Variants in MSTO1 observed in about 807,000 individuals in gnomAD.
MSTO1 encodes the protein protein misato homolog 1.
In MSTO1, 24 loss-of-function variants were observed where a neutral mutation model predicts 55.7. The observed-to-expected ratio is 0.43, with a 90% CI of 0.31 to 0.61. The LOEUF (loss-of-function observed/expected upper bound fraction) is 0.61. Among genes scored for constraint, MSTO1 ranks in the 20% least tolerant of loss-of-function variants. The pLI is 0.09. For synonymous variants in MSTO1, 162 were observed against 252.8 expected (o/e 0.64, Z 3.41); for missense variants, 363 against 625.7 (o/e 0.58, Z 4.48).
At chr1:155,589,415 G>A in the MSTO1 span, among the ~76,000 whole-genome samples, 1 of 151,918 alleles carries the variant, frequency 6.6e-6, no homozygotes, top group African/African-American at 2.4e-5. Context: ...CAGGGTGACT[G>A]TATTAGTCAG....
intron 1 of MSTO1, 43 bp from the exon 2 acceptor site, chr1:155,610,382 C>T: frequency 1.2e-6 from 1 of 808,200 alleles, no homozygotes; most frequent in South Asian, 1.7e-5. Flanking sequence ...GATCTACAGT[C>T]CCGACGTTCA....
chr1:155,597,173 AGAT>A, the MSTO1 span, among the ~76,000 whole-genome samples: 1 of 152,144 alleles, frequency 6.6e-6, no homozygotes, highest in Non-Finnish European at 1.5e-5. Context: ...TCTTGGTCAC[AGAT>A]GAGAAGACAA....
the MSTO1 span, chr1:155,598,903 C>G: frequency 6.9e-7 from 1 of 1,449,402 alleles, no homozygotes; most frequent in Non-Finnish European, 9.7e-7. Flanking sequence ...GCTGATACTA[C>G]GTATTCCAGA....
chr1:155,602,396 A>C, the MSTO1 span, among the ~76,000 whole-genome samples: 1 of 152,188 alleles, frequency 6.6e-6, no homozygotes. Context: ...GAATCGCTTG[A>C]ACCCAGGAGG....
the MSTO1 span, among the ~76,000 whole-genome samples, chr1:155,592,135 G>T: frequency 2.6e-5 from 4 of 152,180 alleles, no homozygotes; most frequent in Non-Finnish European, 5.9e-5. Flanking sequence ...AACAAGCCTT[G>T]TATTCTCAGT....
At chr1:155,564,215 C>G in the MSTO1 span, among the ~76,000 whole-genome samples, 2 of 152,222 alleles carry the variant, frequency 1.3e-5, no homozygotes, top group East Asian at 3.8e-4. Flanking sequence ...CATGCAAGGC[C>G]GGGCGCGGTG....
chr1:155,592,266 T>C, the MSTO1 span, among the ~76,000 whole-genome samples: 1 of 152,214 alleles, frequency 6.6e-6, no homozygotes, highest in Non-Finnish European at 1.5e-5. Flanking sequence ...GACAAAAGTT[T>C]ACCTTCTTGG....
Position 155,612,421 on chromosome 1 carries a change from G to A in MSTO1, c.817G>A (p.Ala273Thr), listed in dbSNP as rs1376378019. 6.2e-7 allele frequency: 1 copy of A among 1,610,932 alleles called. No individual in the cohort carries two copies. Among genetic ancestry groups the A allele is most frequent in the South Asian group, 1.1e-5 (1 of 90,866 alleles). ...CAAACTACTCTTTCTTCACCAGGAG[G>A]CCCAGAGAAACATCTATCGTCTATT... is the stretch of plus-strand genomic sequence containing the variant. ...LLPGPYHRGE[A>T]QRNIYRLLNT... The change falls in exon 9 of 14, where the codon GCC becomes ACC. Residue 273 changes from alanine (A) to threonine (T), a missense_variant. Ala to Thr is a moderately conservative substitution (Grantham distance 58). Transcript: ENST00000245564.
chr1:155,597,557 T>G, the MSTO1 span, among the ~76,000 whole-genome samples: 3 of 151,678 alleles, frequency 2.0e-5, no homozygotes, highest in African/African-American at 7.3e-5. Context: ...TTGCCCAGGC[T>G]GGAGTGCAGT....
the MSTO1 span, among the ~76,000 whole-genome samples, chr1:155,600,650 C>T: frequency 2.0e-5 from 3 of 152,054 alleles, no homozygotes; most frequent in South Asian, 6.2e-4. Flanking sequence ...CGGGTTCAAG[C>T]GATTCTCCTG....
upstream of MSTO1, chr1:155,610,017 G>T: frequency 3.6e-6 from 2 of 554,134 alleles, no homozygotes; most frequent in Non-Finnish European, 6.3e-6. Context: ...CAGGAGCAAC[G>T]GCGTGGCCCG....
chr1:155,612,911 G>A lies in MSTO1; in HGVS notation c.1034G>A (p.Arg345His), dbSNP rs150075701. Residue 345 changes from arginine to histidine, a missense_variant, in exon 10 of 14, where the codon CGC (arginine) becomes CAC (histidine). Arg to His is a conservative substitution (Grantham distance 29). Around this residue, in one of 3 missense-constraint regions of MSTO1, gnomAD observed 231 missense variants for 286.9 expected, o/e 0.81. Transcript: ENST00000245564. The stretch of plus-strand genomic sequence containing the variant: ...CTGGACACAGTCACTGTTCCTTATC[G>A]CCTGTGTTCCTCTCCAGTTTCCATG... Reference protein sequence around the residue: ...TALDTVTVPYRLCSSPVSMVH... With the variant: ...TALDTVTVPYHLCSSPVSMVH... 4 of 1,613,618 alleles carry A rather than the reference G, an allele frequency of 2.5e-6. No individual in the cohort carries two copies. The highest frequency in any genetic ancestry group is 1.3e-5 in the African/African-American group (1 of 74,888).
the MSTO1 span, chr1:155,563,355 T>C: frequency 4.4e-6 from 2 of 456,328 alleles, no homozygotes; most frequent in Non-Finnish European, 8.8e-6. Flanking sequence ...GACACGGGTA[T>C]TGTACCGCTG....
At chr1:155,609,624 G>A (rs1477736862), upstream of MSTO1, among the ~76,000 whole-genome samples, 1 of 152,032 alleles carries the variant, frequency 6.6e-6, no homozygotes, top group Non-Finnish European at 1.5e-5. Flanking sequence ...ATGAATTATA[G>A]ATATTTGCAA....
chr1:155,601,470 G>T, the MSTO1 span, among the ~76,000 whole-genome samples: 3 of 151,742 alleles, frequency 2.0e-5, no homozygotes, highest in Non-Finnish European at 4.4e-5. Context: ...ATAATGTTTA[G>T]TCTAAGATGG....
chr1:155,587,606 T>C, the MSTO1 span, among the ~76,000 whole-genome samples: 8 of 150,712 alleles, frequency 5.3e-5, no homozygotes, highest in African/African-American at 1.5e-4. Context: ...TAGCCGGGCG[T>C]GGTGGCGGGC....
the MSTO1 span, among the ~76,000 whole-genome samples, chr1:155,565,251 C>T: frequency 4.7e-5 from 7 of 149,532 alleles, no homozygotes; most frequent in South Asian, 2.1e-4. Flanking sequence ...GTCGAGATCA[C>T]GCCTTTGCAT....
the MSTO1 span, among the ~76,000 whole-genome samples, chr1:155,593,796 G>A: frequency 6.6e-6 from 1 of 151,988 alleles, no homozygotes; most frequent in Non-Finnish European, 1.5e-5. Flanking sequence ...GTGAAACCCT[G>A]TCTCTACTAA....
In MSTO1 at chr1:155,612,941, A is replaced by C. The variant is rs1324641802; in HGVS notation, c.1064A>C (p.His355Pro). 3 of 1,613,932 alleles carry C rather than the reference A, an allele frequency of 1.9e-6. No homozygotes were observed. In the East Asian group the frequency reaches 6.7e-5, roughly 36 times the overall value. ...TGTTCCTCTCCAGTTTCCATGGTTCATCTGGCTGACATGCTGAGCTTCTGT... is the reference window on the plus strand; with the variant it reads ...TGTTCCTCTCCAGTTTCCATGGTTCCTCTGGCTGACATGCTGAGCTTCTGT... The part of the protein sequence containing the change: ...RLCSSPVSMV[H>P]LADMLSFCGK... Residue 355 changes from histidine to proline, a missense_variant, in exon 10 of 14, where the codon CAT becomes CCT. By Grantham distance (77) the His-to-Pro change is moderately conservative (BLOSUM62 -2). This residue lies in a region of MSTO1 where 231 missense variants were observed against 286.9 expected (regional missense o/e 0.81). Transcript: ENST00000245564.
Sources: gnomAD v4.1 joint callset for allele counts (sites outside exome capture counted in the v4.1 genomes callset) on GRCh38, gnomAD v4.1.1 for gene constraint, gnomAD v4.1.1 regional missense constraint, MANE v1.5 for transcripts, NCBI Gene and HGNC (gene_info 2026-07-23, HGNC 2026-07-21) for gene names.